Variants in LRBA observed in about 807,000 individuals in gnomAD.
LRBA encodes the protein LPS responsive beige-like anchor protein.
A neutral mutation model predicts 330.0 loss-of-function variants in LRBA; 176 were observed. The ratio of observed to expected loss-of-function variants is 0.53; its 90% CI spans 0.47 to 0.60. The LOEUF (loss-of-function observed/expected upper bound fraction) is 0.60. LRBA is among the 20% of genes least tolerant of loss of function. The pLI, the probability that LRBA is intolerant of heterozygous loss-of-function variation, is 0.00. For missense variants in LRBA, 3,259 were observed against 3,444.8 expected (o/e 0.95, Z 1.35); for synonymous variants, 1,230 against 1,193.0 (o/e 1.03, Z -0.64).
intron 36 of LRBA, among the ~76,000 whole-genome samples, chr4:150,689,746 T>C (rs1783952235): frequency 6.6e-6 from 1 of 151,994 alleles, no homozygotes; most frequent in Non-Finnish European, 1.5e-5. Context: ...GGCAACATGG[T>C]GAAACCCCAT....
At chr4:150,402,842 A>G (rs1448754961) in intron 47 of LRBA, among the ~76,000 whole-genome samples, 1 of 152,068 alleles carries the variant, frequency 6.6e-6, no homozygotes, top group Non-Finnish European at 1.5e-5. Flanking sequence ...AAAATATAGA[A>G]AGGAATCAAC....
At chr4:150,460,379 C>A (rs762773622) in intron 44 of LRBA, among the ~76,000 whole-genome samples, 3 of 151,680 alleles carry the variant, frequency 2.0e-5, no homozygotes, top group African/African-American at 4.8e-5. Flanking sequence ...ATATACTAAG[C>A]ACAAACAGGA....
At chr4:150,443,187 G>A (rs991757349) in intron 44 of LRBA, among the ~76,000 whole-genome samples, 1 of 152,124 alleles carries the variant, frequency 6.6e-6, no homozygotes, top group African/African-American at 2.4e-5. Flanking sequence ...TTTAATGATC[G>A]CCATTCTAAC....
chr4:150,442,967 A>G (rs549235154), intron 44 of LRBA, among the ~76,000 whole-genome samples: 18 of 152,334 alleles, frequency 1.2e-4, no homozygotes, highest in African/African-American at 4.1e-4. Flanking sequence ...ATTTTATCTG[A>G]TGACAATGCT....
intron 14 of LRBA, among the ~76,000 whole-genome samples, chr4:150,899,516 A>G (rs1730491729): frequency 6.6e-6 from 1 of 152,188 alleles, no homozygotes; most frequent in South Asian, 2.1e-4. Context: ...CTATATGTCA[A>G]AAGTTTTATT....
rs373734777 is a variant in LRBA, at chr4:150,839,380, T to G, written c.4569+4720A>C. Among the ~76,000 whole-genome samples the G allele has an allele frequency of 2.0e-5, 3 of 152,202 alleles. No individual in the cohort carries two copies. The East Asian group carries it at 5.8e-4, about 29-fold the overall frequency. On this transcript the variant is annotated intron_variant, in intron 28 of 56. Transcript: ENST00000651943. ...AATACCATTTGGCCCAGCCATCCCA[T>G]TACTGGGTATATACTCAAAGGATTA...
At chr4:150,324,518 G>C (rs919442583) in intron 49 of LRBA, among the ~76,000 whole-genome samples, 1 of 148,118 alleles carries the variant, frequency 6.8e-6, no homozygotes, top group Non-Finnish European at 1.5e-5. Context: ...GCTAGATAAA[G>C]AAGGAGAAAA....
intron 39 of LRBA, among the ~76,000 whole-genome samples, chr4:150,589,599 A>G (rs2126450052): frequency 6.6e-6 from 1 of 152,350 alleles, no homozygotes; most frequent in African/African-American, 2.4e-5. Context: ...GGGTAAGCAG[A>G]CAGCTGCAAG....
intron 11 of LRBA, among the ~76,000 whole-genome samples, chr4:150,908,067 A>G (rs1731548000): frequency 6.6e-6 from 1 of 152,176 alleles, no homozygotes; most frequent in East Asian, 1.9e-4. Flanking sequence ...AAAAAAATGT[A>G]TTTATTTTTG....
chr4:150,593,149 C>T (rs1306008322), intron 38 of LRBA, among the ~76,000 whole-genome samples: 1 of 151,880 alleles, frequency 6.6e-6, no homozygotes, highest in Non-Finnish European at 1.5e-5. Context: ...AAATGAAGCA[C>T]CATCTTCTAA....
chr4:151,010,439 A>G (rs1744688971), intron 2 of LRBA, among the ~76,000 whole-genome samples: 1 of 152,222 alleles, frequency 6.6e-6, no homozygotes, highest in South Asian at 2.1e-4. Flanking sequence ...GAAGTTTGAA[A>G]CACTTGACTA....
chr4:150,494,477 T>C (rs1759332936), intron 40 of LRBA, among the ~76,000 whole-genome samples: 1 of 152,246 alleles, frequency 6.6e-6, no homozygotes, highest in Non-Finnish European at 1.5e-5. Context: ...GTCATGATCA[T>C]ACAACTAAAG....
At chr4:150,775,656 A>G (rs981138060) in intron 34 of LRBA, among the ~76,000 whole-genome samples, 4 of 152,082 alleles carry the variant, frequency 2.6e-5, no homozygotes, top group Admixed American at 1.3e-4. Flanking sequence ...AAGCAAAACA[A>G]TTGAACCAAT....
intron 35 of LRBA, among the ~76,000 whole-genome samples, chr4:150,754,116 A>C (rs1733937865): frequency 6.6e-6 from 1 of 150,990 alleles, no homozygotes; most frequent in Non-Finnish European, 1.5e-5. Context: ...ATAAAATCCC[A>C]TATAAAGTGC....
chr4:150,681,952 T>A (rs1371636920), intron 37 of LRBA, among the ~76,000 whole-genome samples: 2 of 152,164 alleles, frequency 1.3e-5, no homozygotes, highest in Non-Finnish European at 2.9e-5. Context: ...GAAAACTATG[T>A]TTTCCTTTTG....
At chr4:150,342,470 C>T (rs558379548) in intron 48 of LRBA, among the ~76,000 whole-genome samples, 9 of 151,970 alleles carry the variant, frequency 5.9e-5, no homozygotes, top group South Asian at 2.1e-4. Flanking sequence ...CATATTTGTC[C>T]GAAAAAGAAT....
intron 17 of LRBA, among the ~76,000 whole-genome samples, chr4:150,875,310 G>A (rs1188001653): frequency 6.6e-6 from 1 of 152,194 alleles, no homozygotes; most frequent in Non-Finnish European, 1.5e-5. Flanking sequence ...CCAGGAATCT[G>A]GAAAACCCAT....
At chr4:150,792,028 CAAAAAA>C (rs11389573) in intron 34 of LRBA, among the ~76,000 whole-genome samples, 2 of 46,330 alleles carry the variant, frequency 4.3e-5, no homozygotes, top group African/African-American at 1.0e-4. Flanking sequence ...GGCTCCATCT[CAAAAAA>C]AAAAAAAAAA....
chr4:150,695,923 T>C (rs1435399080), intron 36 of LRBA, among the ~76,000 whole-genome samples: 1 of 152,116 alleles, frequency 6.6e-6, no homozygotes, highest in Non-Finnish European at 1.5e-5. Flanking sequence ...TACAAATAGG[T>C]AAATCTTACA....
Sources: allele counts gnomAD v4.1 joint callset (sites outside exome capture counted in the v4.1 genomes callset), GRCh38; gene constraint gnomAD v4.1.1; transcripts MANE v1.5; gene names NCBI Gene and HGNC (gene_info 2026-07-23, HGNC 2026-07-21).